The following DLGAP2 variants were observed in gnomAD, a reference collection of about 807,000 sequenced individuals.
DLGAP2 encodes the protein DLG associated protein 2.
DLGAP2 carries 26 observed loss-of-function variants against 100.3 expected under a neutral mutation model. The observed-to-expected ratio is 0.26, with a 90% CI of 0.19 to 0.36. The LOEUF is 0.36. Ranked by LOEUF, DLGAP2 falls within the 10% of genes least tolerant of loss-of-function variation. The pLI is 1.00. For missense variants in DLGAP2, 1,858 were observed against 1,453.2 expected, an observed-to-expected ratio of 1.28 and a Z score of -4.53; for synonymous variants, 886 against 630.1, an observed-to-expected ratio of 1.41 and a Z score of -6.08.
rs201678800 is a variant in DLGAP2, at chr8:1,361,159, A to G, written c.106+102276A>G. Among the ~76,000 whole-genome samples the G allele has an allele frequency of 5.9e-5, 9 of 152,292 alleles. No individual in the cohort carries two copies. In the East Asian group the frequency reaches 1.7e-3, roughly 30 times the overall value. ...TGACTGCCTGGGGCCTCACCACACC[A>G]GATTTGCAACAGTGTCTGCAGGGGT... On this transcript the variant is annotated intron_variant, in intron 3 of 14. Coordinates refer to ENST00000637795, the MANE Select transcript of DLGAP2 (RefSeq NM_001346810.2).
chr8:1,163,579 G>A (rs1408432389), intron 2 of DLGAP2, among the ~76,000 whole-genome samples: 2 of 152,248 alleles, frequency 1.3e-5, no homozygotes, highest in Non-Finnish European at 2.9e-5. Flanking sequence ...GCAGAGAGCT[G>A]CGTGAGCCAA....
chr8:1,583,848 G>T (rs1361975792), intron 6 of DLGAP2, among the ~76,000 whole-genome samples: 1 of 152,038 alleles, frequency 6.6e-6, no homozygotes, highest in Non-Finnish European at 1.5e-5. Context: ...GATCCTTCGT[G>T]ATCTGCCCCC....
intron 5 of DLGAP2, among the ~76,000 whole-genome samples, chr8:1,560,836 G>C (rs1354603059): frequency 1.3e-5 from 2 of 152,224 alleles, no homozygotes; most frequent in East Asian, 1.9e-4. Context: ...CTGATTTCTT[G>C]CTGAGAGAAC....
chr8:1,123,130 C>G (rs1052667016), intron 2 of DLGAP2, among the ~76,000 whole-genome samples: 2 of 152,204 alleles, frequency 1.3e-5, no homozygotes, highest in Non-Finnish European at 2.9e-5. Context: ...ATAAGTTTCG[C>G]TCAGAAGCTT....
At chr8:1,195,532 A>G (rs1161623437) in intron 2 of DLGAP2, among the ~76,000 whole-genome samples, 2 of 152,262 alleles carry the variant, frequency 1.3e-5, no homozygotes, top group South Asian at 2.1e-4. Flanking sequence ...CTTGCTGCCT[A>G]TCCAATTACT....
chr8:1,237,459 C>G (rs1278839468), intron 2 of DLGAP2, among the ~76,000 whole-genome samples: 3 of 139,752 alleles, frequency 2.1e-5, no homozygotes, highest in South Asian at 2.4e-4. Context: ...GTCTAGTTAC[C>G]TCTCACATGG....
chr8:1,234,152 C>G (rs996641335), intron 2 of DLGAP2, among the ~76,000 whole-genome samples: 17 of 152,326 alleles, frequency 1.1e-4, no homozygotes, highest in African/African-American at 3.6e-4. Flanking sequence ...TTCTCCTGTC[C>G]TCCCTCGAAA....
intron 2 of DLGAP2, among the ~76,000 whole-genome samples, chr8:1,043,811 T>C (rs1368509296): frequency 1.3e-5 from 2 of 152,016 alleles, no homozygotes; most frequent in African/African-American, 4.8e-5. Context: ...GGGTGGGCAA[T>C]GCCTCTTTGG....
At chr8:900,614 C>T (rs1171188485) in intron 1 of DLGAP2, among the ~76,000 whole-genome samples, 2 of 152,184 alleles carry the variant, frequency 1.3e-5, no homozygotes, top group East Asian at 3.9e-4. Context: ...ATGGATGGCT[C>T]CTGCCCCATC....
At chr8:1,360,896 C>G (rs1442007232) in intron 3 of DLGAP2, among the ~76,000 whole-genome samples, 1 of 152,236 alleles carries the variant, frequency 6.6e-6, no homozygotes, top group Non-Finnish European at 1.5e-5. Context: ...CCCCACCGGA[C>G]ACGTGAACAC....
In DLGAP2 at chr8:1,042,593, G is replaced by A. The variant is rs570651300; in HGVS notation, c.73+134627G>A. On this transcript the variant is annotated intron_variant, in intron 2 of 14. Coordinates refer to ENST00000637795, the MANE Select transcript of DLGAP2 (RefSeq NM_001346810.2). ...GATGCATTCAGCATGTGAGGTCACA[G>A]ACCAGGTCCCCAGGAGCCAGTGGCC... Among the ~76,000 whole-genome samples, 83 of 152,338 alleles carry A rather than the reference G, an allele frequency of 5.4e-4. 1 individual carries two copies. Among genetic ancestry groups the A allele is most frequent in the African/African-American group, 2.0e-3 (83 of 41,572 alleles).
chr8:1,209,557 A>G (rs1043482451), intron 2 of DLGAP2, among the ~76,000 whole-genome samples: 1 of 152,166 alleles, frequency 6.6e-6, no homozygotes, highest in Admixed American at 6.5e-5. Flanking sequence ...TACTACTCTA[A>G]TAAATTCCTA....
chr8:1,049,020 A>T (rs1563164341), intron 2 of DLGAP2, among the ~76,000 whole-genome samples: 1 of 152,342 alleles, frequency 6.6e-6, no homozygotes, highest in South Asian at 2.1e-4. Flanking sequence ...TCAGAATGAC[A>T]TTGATAAGAG....
intron 6 of DLGAP2, among the ~76,000 whole-genome samples, chr8:1,606,091 C>T (rs942671145): frequency 5.9e-5 from 9 of 152,208 alleles, no homozygotes; most frequent in African/African-American, 7.2e-5. Flanking sequence ...CCAGAGCTCC[C>T]TCACTGTCCT....
At position 801,919 on chromosome 8, in the gene DLGAP2, G is replaced by A. The variant is rs369554324; in HGVS notation, c.18+64094G>A. Among the ~76,000 whole-genome samples the A allele has an allele frequency of 1.5e-3, 130 of 88,506 alleles. 6 individuals are homozygous for A. In the South Asian group the frequency reaches 0.043, roughly 30 times the overall value. The allele number at this position is 88,506 out of a possible 152,430, so 58.1% of individuals were successfully genotyped here. On this transcript the variant is annotated intron_variant, in intron 1 of 14. Coordinates refer to ENST00000637795, the MANE Select transcript of DLGAP2 (RefSeq NM_001346810.2). ...AGCTCACTGTCATAGTGTAATAAGT[G>A]GCCATTCAGTGAACACTGGGCCCTC...
At chr8:1,105,248 C>T (rs73670441) in intron 2 of DLGAP2, among the ~76,000 whole-genome samples, 4,412 of 152,248 alleles carry the variant, frequency 0.029, 191 homozygotes, top group African/African-American at 0.1. Flanking sequence ...AAATTACAAC[C>T]GTGGTGCCTG....
At chr8:1,579,040 A>G (rs1481159494) in intron 6 of DLGAP2, among the ~76,000 whole-genome samples, 1 of 152,228 alleles carries the variant, frequency 6.6e-6, no homozygotes, top group Non-Finnish European at 1.5e-5. Flanking sequence ...TTGCTTATAT[A>G]TTAACATTTG....
chr8:1,491,547 A>G (rs936643773), intron 3 of DLGAP2, among the ~76,000 whole-genome samples: 10 of 152,368 alleles, frequency 6.6e-5, no homozygotes, highest in Admixed American at 2.6e-4. Flanking sequence ...CTGGGTAAGC[A>G]TGGTGGACAT....
At chr8:1,144,467 T>C (rs1796572379) in intron 2 of DLGAP2, among the ~76,000 whole-genome samples, 1 of 152,238 alleles carries the variant, frequency 6.6e-6, no homozygotes, top group African/African-American at 2.4e-5. Context: ...GGCTTCCGAA[T>C]GCTCCTCCCC....
Sources: allele counts gnomAD v4.1 joint callset (sites outside exome capture counted in the v4.1 genomes callset), GRCh38; gene constraint gnomAD v4.1.1; transcripts MANE v1.5; gene names NCBI Gene and HGNC (gene_info 2026-07-23, HGNC 2026-07-21).